Variants in MED21 observed in about 807,000 individuals in gnomAD.
MED21 encodes the protein mediator complex subunit 21.
In MED21, 9 loss-of-function variants were observed where a neutral mutation model predicts 18.2. The ratio of observed to expected loss-of-function variants is 0.49; its 90% CI spans 0.30 to 0.86. The LOEUF is 0.86. Ranked by LOEUF, MED21 falls within the 40% of genes least tolerant of loss-of-function variation. The pLI is 0.07. For synonymous variants in MED21, 73 were observed against 60.5 expected (o/e 1.21, Z -0.96); for missense variants, 150 against 170.9 (o/e 0.88, Z 0.68).
rs1428688918 is a variant in MED21, at chr12:27,030,096, A to T, written c.*1635A>T. ...GAAAGAAAAAAATTAACGTTGTTGT[A>T]TGTGATTCTCTGTAGAGGATATACA... On this transcript the variant is annotated 3_prime_UTR_variant, in exon 4 of 4. Coordinates refer to ENST00000282892, the MANE Select transcript of MED21 (RefSeq NM_004264.5). 2.0e-6 allele frequency: 1 copy of T among 507,946 alleles called. No homozygotes were observed. Among genetic ancestry groups the T allele is most frequent in the Admixed American group, 3.3e-5 (1 of 30,072 alleles). 31.5% of individuals were successfully genotyped at this position (507,946 alleles called of 1,614,324 possible). A position where few individuals can be genotyped will look rare whatever the true frequency, so the allele number is the denominator to read the frequency against.
downstream of MED21, among the ~76,000 whole-genome samples, chr12:27,031,787 G>A (rs1406066619): frequency 6.6e-6 from 1 of 152,162 alleles, no homozygotes; most frequent in Non-Finnish European, 1.5e-5. Flanking sequence ...AGGAGTTAGG[G>A]AAGTGAAAGA....
At chr12:27,023,230 G>A (rs76474514) in intron 1 of MED21, among the ~76,000 whole-genome samples, 2,967 of 151,276 alleles carry the variant, frequency 0.02, 97 homozygotes, top group African/African-American at 0.068. Flanking sequence ...ATCAGTTTGG[G>A]GACATCTTTA....
intron 1 of MED21, chr12:27,022,865 T>C (rs1941491298): frequency 7.0e-7 from 1 of 1,429,646 alleles, no homozygotes; most frequent in Non-Finnish European, 9.2e-7. Context: ...AGATCGTTCT[T>C]GTCCGGGTGA....
chr12:27,034,717 AT>A (rs1941639008), downstream of MED21, among the ~76,000 whole-genome samples: 1 of 152,166 alleles, frequency 6.6e-6, no homozygotes. Context: ...CTGGGATTAC[AT>A]GCATGAGCCA....
In MED21 at chr12:27,028,700, C is replaced by A; in HGVS notation, c.*239C>A. Reference sequence around the variant, plus strand: ...TTTTAACTGAGTGAAATTATTAAGGCATGTAATACATTAATGAACATAATA... The same window carrying A: ...TTTTAACTGAGTGAAATTATTAAGGAATGTAATACATTAATGAACATAATA... On this transcript the variant is annotated 3_prime_UTR_variant, in exon 4 of 4. Coordinates refer to ENST00000282892, the MANE Select transcript of MED21 (RefSeq NM_004264.5). 8.6e-7 allele frequency: 1 copy of A among 1,162,874 alleles called. No homozygotes were observed. Among genetic ancestry groups the A allele is most frequent in the Non-Finnish European group, 1.1e-6 (1 of 936,692 alleles). The allele number at this position is 1,162,874 out of a possible 1,614,324, so 72.0% of individuals were successfully genotyped here.
chr12:27,026,395 C>T (rs1423815818), intron 1 of MED21, 25 bp from the exon 2 acceptor site: 1 of 1,498,074 alleles, frequency 6.7e-7, no homozygotes, highest in Admixed American at 1.7e-5. Context: ...CCTTTCTAAC[C>T]TTGATATGTT....
At chr12:27,036,243 G>A (rs1437975811) in intron 2 of MED21, among the ~76,000 whole-genome samples, 3 of 152,208 alleles carry the variant, frequency 2.0e-5, no homozygotes, top group African/African-American at 7.2e-5. Context: ...CTTCTTTTGA[G>A]AAGTGTCTGT....
At chr12:27,027,805 A>G (rs879838446) in intron 3 of MED21, among the ~76,000 whole-genome samples, 3 of 152,180 alleles carry the variant, frequency 2.0e-5, no homozygotes, top group Non-Finnish European at 4.4e-5. Flanking sequence ...AATTCCATCT[A>G]TGAGATCTCT....
chr12:27,035,097 TC>T (rs1414562657), downstream of MED21, among the ~76,000 whole-genome samples: 3 of 152,086 alleles, frequency 2.0e-5, no homozygotes, highest in Non-Finnish European at 4.4e-5. Context: ...TGCCTGAAGT[TC>T]CAGCTACTCA....
In MED21 at chr12:27,030,058, AC is replaced by A. The variant is rs1386194993; in HGVS notation, c.*1598del. On this transcript the variant is annotated 3_prime_UTR_variant, in exon 4 of 4. Coordinates refer to ENST00000282892, the MANE Select transcript of MED21 (RefSeq NM_004264.5). ...GACTTCTCTTGAGGTTTTAAAAATT[AC>A]ATTTGTTATTTGAAAGAAAAAAATT... The A allele has an allele frequency of 2.2e-6, 1 of 454,362 alleles. No individual in the cohort carries two copies. Among genetic ancestry groups the A allele is most frequent in the Non-Finnish European group, 3.9e-6 (1 of 253,316 alleles). The allele number at this position is 454,362 out of a possible 1,614,324, so 28.1% of individuals were successfully genotyped here.
chr12:27,028,661 A>G lies in MED21; in HGVS notation c.*200A>G, dbSNP rs1941576728. The G allele has an allele frequency of 1.5e-5, 19 of 1,237,684 alleles. 1 individual carries two copies. The South Asian group carries it at 4.7e-4, about 31-fold the overall frequency. The allele number at this position is 1,237,684 out of a possible 1,614,324, so 76.7% of individuals were successfully genotyped here. ...ATCATGATTGAATCAGCTTTAAAGC[A>G]TCATACCATCATTTTTTAACTGAGT... On this transcript the variant is annotated 3_prime_UTR_variant, in exon 4 of 4. Coordinates refer to ENST00000282892, the MANE Select transcript of MED21 (RefSeq NM_004264.5).
At chr12:27,035,958 G>A (rs1274024627) in intron 2 of MED21, among the ~76,000 whole-genome samples, 6 of 152,106 alleles carry the variant, frequency 3.9e-5, no homozygotes, top group Non-Finnish European at 7.4e-5. Flanking sequence ...ATACCCAGTA[G>A]TGGGATGGCT....
intron 1 of MED21, 135 bp downstream of exon 1, chr12:27,022,756 C>T (rs548919336): frequency 1.3e-6 from 2 of 1,550,058 alleles, no homozygotes; most frequent in African/African-American, 2.7e-5. Flanking sequence ...AGCGCTCTCT[C>T]GGGAGGCGCC....
rs1028996583 is a variant in MED21 at position 27,028,551 on chromosome 12, T to G, written c.*90T>G. 6 of 1,478,462 alleles carry G rather than the reference T, an allele frequency of 4.1e-6. No homozygotes were observed. The highest frequency in any genetic ancestry group is 5.4e-6 in the Non-Finnish European group (6 of 1,109,816). 91.6% of individuals were successfully genotyped at this position (1,478,462 alleles called of 1,614,324 possible). On this transcript the variant is annotated 3_prime_UTR_variant, in exon 4 of 4. Coordinates refer to ENST00000282892, the MANE Select transcript of MED21 (RefSeq NM_004264.5). ...ACTTAGATACAAGCCTTACCAACAA[T>G]TACAGAAACATTAAACACTATGACA...
rs1217080844 is a variant in MED21, at chr12:27,038,039, G to C, written n.147-8115G>C. On this transcript the variant is annotated intron_variant and non_coding_transcript_variant, in intron 2 of 4. Coordinates refer to the MED21 transcript ENST00000538186. ...TCAAACTTGTTCCCTTTCAGCTTGG[G>C]AATAAGACAGAGCTTCCTATTAAGA... is the stretch of plus-strand genomic sequence containing the variant. 2.0e-5 allele frequency: 3 copies of C among 152,120 alleles called. No individual in the cohort carries two copies. In the East Asian group the frequency reaches 5.8e-4, roughly 29 times the overall value. 9.4% of individuals were successfully genotyped at this position (152,120 alleles called of 1,614,324 possible). A position where few individuals can be genotyped will look rare whatever the true frequency, so the allele number is the denominator to read the frequency against.
rs755735481 is a variant in MED21 at position 27,030,165 on chromosome 12, C to G, written c.*1704C>G. 30 of 649,892 alleles carry G rather than the reference C, an allele frequency of 4.6e-5. No individual in the cohort carries two copies. In the South Asian group the frequency reaches 5.0e-4, roughly 11 times the overall value. 40.3% of individuals were successfully genotyped at this position (649,892 alleles called of 1,614,324 possible). On this transcript the variant is annotated 3_prime_UTR_variant, in exon 4 of 4. Coordinates refer to ENST00000282892, the MANE Select transcript of MED21 (RefSeq NM_004264.5). ...TGTTTCTGTTTTTTTAAGGTGAAGT[C>G]TCTGTCACCCAAGCTGAAGTGCAGT...
chr12:27,022,656 T>C, intron 1 of MED21, 35 bp downstream of exon 1: 1 of 1,610,906 alleles, frequency 6.2e-7, no homozygotes, highest in Non-Finnish European at 8.5e-7. Context: ...TCTGTCTTTC[T>C]CTTTCTTGAG....
chr12:27,032,608 A>T (rs916538356), downstream of MED21, among the ~76,000 whole-genome samples: 1 of 152,194 alleles, frequency 6.6e-6, no homozygotes, highest in South Asian at 2.1e-4. Context: ...CTTCTGGAAA[A>T]CAGTGACAGT....
At chr12:27,035,000 C>T (rs532888924), downstream of MED21, among the ~76,000 whole-genome samples, 1 of 152,184 alleles carries the variant, frequency 6.6e-6, no homozygotes, top group East Asian at 1.9e-4. Context: ...CTCCGCCTGC[C>T]CCTGGCCTCC....
Sources: gnomAD v4.1 joint callset for allele counts (sites outside exome capture counted in the v4.1 genomes callset) on GRCh38, gnomAD v4.1.1 for gene constraint, MANE v1.5 for transcripts, NCBI Gene and HGNC (gene_info 2026-07-23, HGNC 2026-07-21) for gene names.